Variants in PPP1R12B observed in about 807,000 individuals in gnomAD.
PPP1R12B encodes myosin phosphatase target subunit 2.
In PPP1R12B, 76 loss-of-function variants were observed where a neutral mutation model predicts 126.1. The ratio of observed to expected loss-of-function variants is 0.60; its 90% CI spans 0.50 to 0.73. The LOEUF is 0.73. Ranked by LOEUF, PPP1R12B falls within the 30% of genes least tolerant of loss-of-function variation. PPP1R12B has a pLI of 0.00. For missense variants in PPP1R12B, 1,052 were observed against 1,205.1 expected, an observed-to-expected ratio of 0.87 and a Z score of 1.88; for synonymous variants, 356 against 434.7, an observed-to-expected ratio of 0.82 and a Z score of 2.25.
At chr1:202,481,539 T>A in intron 13 of PPP1R12B, among the ~76,000 whole-genome samples, 1 of 116,904 alleles carries the variant, frequency 8.6e-6, no homozygotes, top group Non-Finnish European at 1.9e-5. Flanking sequence ...ATAGTTTTTT[T>A]AATAAAAAAA....
rs1690073497 is a variant in PPP1R12B, at chr1:202,590,664, A to T, written c.*10104A>T. 6.6e-6 allele frequency: 1 copy of T among 151,646 alleles called. No individual in the cohort carries two copies. The highest frequency in any genetic ancestry group is 1.5e-5 in the Non-Finnish European group (1 of 67,988). The allele number at this position is 151,646 out of a possible 1,614,324, so 9.4% of individuals were successfully genotyped here. A position where few individuals can be genotyped will look rare whatever the true frequency, so the allele number is the denominator to read the frequency against. ...CAAAATAACAATTTGACAAGAGATC[A>T]GACAAGAACAAGAGTCCACATAAGG... On this transcript the variant is annotated 3_prime_UTR_variant, in exon 24 of 24. Coordinates refer to ENST00000608999, the MANE Select transcript of PPP1R12B (RefSeq NM_002481.4).
At position 202,396,338 on chromosome 1, in the gene PPP1R12B, AATG is replaced by A. The variant is rs1285153015; in HGVS notation, c.292-20437_292-20435del. Reference sequence around the variant, plus strand: ...TGGGCATGTTACTTAATCTTCTAAAAATGATGATGATGATAATAATAGTAATAT... The same window carrying A: ...TGGGCATGTTACTTAATCTTCTAAAAATGATGATGATAATAATAGTAATAT... On this transcript the variant is annotated intron_variant, in intron 1 of 23. Transcript: ENST00000608999. Among the ~76,000 whole-genome samples the A allele has an allele frequency of 3.3e-5, 5 of 152,264 alleles. No homozygotes were observed. The East Asian group carries it at 9.6e-4, about 29-fold the overall frequency.
intron 1 of PPP1R12B, among the ~76,000 whole-genome samples, chr1:202,389,993 AAAG>A (rs1315579488): frequency 1.3e-5 from 2 of 152,126 alleles, no homozygotes; most frequent in African/African-American, 4.8e-5. Flanking sequence ...ACAATCCTGA[AAAG>A]AAGAACAAAG....
At chr1:202,539,754 C>A in intron 18 of PPP1R12B, 1 of 155,238 alleles carries the variant, frequency 6.4e-6, no homozygotes, top group Non-Finnish European at 1.4e-5. Context: ...GGGATTTAAT[C>A]TGGTGTCATC....
chr1:202,466,960 A>G (rs1212398051), intron 13 of PPP1R12B, among the ~76,000 whole-genome samples: 1 of 152,010 alleles, frequency 6.6e-6, no homozygotes, highest in Non-Finnish European at 1.5e-5. Flanking sequence ...TTTACTTCTC[A>G]TATTTAGTCT....
At chr1:202,559,477 G>C (rs1479524144) in intron 19 of PPP1R12B, among the ~76,000 whole-genome samples, 1 of 152,098 alleles carries the variant, frequency 6.6e-6, no homozygotes, top group African/African-American at 2.4e-5. Context: ...ATTAAAGAAG[G>C]ATATCAAAAT....
chr1:202,431,555 C>T lies in PPP1R12B; in HGVS notation c.1077C>T (p.Ser359=), dbSNP rs147915625. The T allele has an allele frequency of 6.2e-7, 1 of 1,613,154 alleles. No individual in the cohort carries two copies. The highest frequency in any genetic ancestry group is 8.5e-7 in the Non-Finnish European group (1 of 1,179,490). ...AGGAAGAAAATAAAGAATCTAGTAGCTCCAGCTCAGAGGAGGAGGAAGGTG... is the reference window on the plus strand; with the variant it reads ...AGGAAGAAAATAAAGAATCTAGTAGTTCCAGCTCAGAGGAGGAGGAAGGTG... ...EMEEENKESS[S]SSSEEEEGED... Residue 359 remains serine (S), a synonymous_variant, in exon 8 of 24, where the codon AGC becomes AGT. Coordinates refer to ENST00000608999, the MANE Select transcript of PPP1R12B (RefSeq NM_002481.4).
In PPP1R12B at chr1:202,446,256, A is replaced by ATATTT. The variant is rs376183502; in HGVS notation, c.1668-2732_1668-2731insATTTT. On this transcript the variant is annotated intron_variant, in intron 12 of 23. Transcript: ENST00000608999. ...TCTCTCTATATATATATATATATAT[A>ATATTT]TTTTTTTTTTTTTTTGAGATGGAAT... Among the ~76,000 whole-genome samples, 291 of 54,258 alleles carry ATATTT rather than the reference A, an allele frequency of 5.4e-3. 4 individuals carry two copies. Among genetic ancestry groups the ATATTT allele is most frequent in the South Asian group, 0.023 (22 of 950 alleles). 35.6% of individuals were successfully genotyped at this position (54,258 alleles called of 152,430 possible).
chr1:202,382,643 G>C (rs1662522238), intron 1 of PPP1R12B, among the ~76,000 whole-genome samples: 2 of 151,966 alleles, frequency 1.3e-5, no homozygotes, highest in Non-Finnish European at 2.9e-5. Flanking sequence ...TTGGGAGGCT[G>C]AGGGGGGTGG....
chr1:202,575,236 C>T (rs777775772), intron 23 of PPP1R12B: 114 of 1,434,644 alleles, frequency 7.9e-5, no homozygotes, highest in South Asian at 2.1e-4. Context: ...CCCCTCCATC[C>T]GAGCCTCCAT....
At chr1:202,351,794 G>T (rs1442419925) in intron 1 of PPP1R12B, among the ~76,000 whole-genome samples, 1 of 152,198 alleles carries the variant, frequency 6.6e-6, no homozygotes, top group Non-Finnish European at 1.5e-5. Context: ...TGGCATGTTA[G>T]AAGCCCCCAG....
chr1:202,538,640 AG>A (rs1298205266), intron 18 of PPP1R12B, among the ~76,000 whole-genome samples: 3 of 152,346 alleles, frequency 2.0e-5, no homozygotes, highest in Non-Finnish European at 4.4e-5. Flanking sequence ...CAGAGAAAAG[AG>A]GGTTGTTACT....
In PPP1R12B at chr1:202,537,226, C is replaced by T. The variant is rs1314564501; in HGVS notation, c.2491-21651C>T. On this transcript the variant is annotated intron_variant, in intron 18 of 23. Coordinates refer to ENST00000608999, the MANE Select transcript of PPP1R12B (RefSeq NM_002481.4). ...AAAATTAGCCCGGCATGGTGGCAGG[C>T]GCTTGTTGTCCCAGCTACTTGGGAG... 2.0e-5 allele frequency among the ~76,000 whole-genome samples: 3 copies of T among 152,090 alleles called. 1 individual carries two copies. The highest frequency in any genetic ancestry group is 3.9e-4 in the East Asian group (2 of 5,160).
At chr1:202,472,384 A>G (rs1676048361) in intron 13 of PPP1R12B, among the ~76,000 whole-genome samples, 1 of 152,154 alleles carries the variant, frequency 6.6e-6, no homozygotes, top group Non-Finnish European at 1.5e-5. Context: ...GGTCTAGTCT[A>G]CTTTGTTGTA....
At chr1:202,475,580 G>T (rs951117519) in intron 13 of PPP1R12B, among the ~76,000 whole-genome samples, 1 of 152,184 alleles carries the variant, frequency 6.6e-6, no homozygotes, top group South Asian at 2.1e-4. Context: ...AAGAAAAGCT[G>T]TACCTGAAGC....
At chr1:202,422,813 T>G in intron 3 of PPP1R12B, 75 bp downstream of exon 3, 2 of 1,593,898 alleles carry the variant, frequency 1.3e-6, no homozygotes, top group Non-Finnish European at 1.7e-6. Flanking sequence ...CCATTTGCTG[T>G]GCAGAGCATT....
intron 1 of PPP1R12B, among the ~76,000 whole-genome samples, chr1:202,372,306 C>A (rs1315312276): frequency 4.0e-5 from 6 of 151,844 alleles, no homozygotes; most frequent in Non-Finnish European, 7.4e-5. Flanking sequence ...GAGTTCAAGA[C>A]CAGCCTGGGC....
At position 202,575,335 on chromosome 1, in the gene PPP1R12B, G is replaced by C; in HGVS notation, c.2863-5139G>C. 3 of 704,032 alleles carry C rather than the reference G, an allele frequency of 4.3e-6. No individual in the cohort carries two copies. The East Asian group carries it at 8.4e-5, about 20-fold the overall frequency. The allele number at this position is 704,032 out of a possible 1,614,324, so 43.6% of individuals were successfully genotyped here. ...TGGGACATACCAGCCTAGGTCAAGG[G>C]AGGCAGTGAGAGAGACCTCAGCTGG... On this transcript the variant is annotated intron_variant, in intron 23 of 23. Transcript: ENST00000608999.
In PPP1R12B at chr1:202,422,603, G is replaced by A; in HGVS notation, c.423-17G>A. On this transcript the variant is annotated splice_polypyrimidine_tract_variant and intron_variant, in intron 2 of 23. Coordinates refer to ENST00000608999, the MANE Select transcript of PPP1R12B (RefSeq NM_002481.4). Reference sequence around the variant, plus strand: ...TAGATTGACAGATAATATTGATCCTGGATCTTGTCTACGCAGGTATTTCAT... The same window carrying A: ...TAGATTGACAGATAATATTGATCCTAGATCTTGTCTACGCAGGTATTTCAT... 1 of 1,608,788 alleles carries A rather than the reference G, an allele frequency of 6.2e-7. No individual in the cohort carries two copies. The highest frequency in any genetic ancestry group is 2.2e-5 in the East Asian group (1 of 44,830).
Sources: gnomAD v4.1 joint callset for allele counts (sites outside exome capture counted in the v4.1 genomes callset) on GRCh38, gnomAD v4.1.1 for gene constraint, MANE v1.5 for transcripts, NCBI Gene and HGNC (gene_info 2026-07-23, HGNC 2026-07-21) for gene names.